The following VEGFC variants were observed in gnomAD, a reference collection of about 807,000 sequenced individuals.
The protein encoded by VEGFC is vascular endothelial growth factor C.
VEGFC carries 12 observed loss-of-function variants against 46.1 expected under a neutral mutation model. The observed-to-expected ratio is 0.26, with a 90% CI of 0.17 to 0.42. The LOEUF (loss-of-function observed/expected upper bound fraction) is 0.42. Among genes scored for constraint, VEGFC ranks in the 10% least tolerant of loss-of-function variants. The pLI is 1.00. For synonymous variants in VEGFC, 232 were observed against 195.5 expected (o/e 1.19, Z -1.56); for missense variants, 488 against 529.4 (o/e 0.92, Z 0.77).
chr4:176,710,605 T>G (rs1245451352), intron 4 of VEGFC, among the ~76,000 whole-genome samples: 1 of 152,202 alleles, frequency 6.6e-6, no homozygotes, highest in African/African-American at 2.4e-5. Context: ...TAAGGTTTTC[T>G]TTTTTGTAAT....
chr4:176,709,861 T>C (rs1734591638), intron 4 of VEGFC, among the ~76,000 whole-genome samples: 2 of 152,300 alleles, frequency 1.3e-5, no homozygotes, highest in South Asian at 4.1e-4. Context: ...CTAGTATTAA[T>C]ATCACTGCAT....
chr4:176,779,163 T>G (rs1421627509), intron 1 of VEGFC, among the ~76,000 whole-genome samples: 1 of 152,080 alleles, frequency 6.6e-6, no homozygotes, highest in African/African-American at 2.4e-5. Context: ...TAAATCAAAA[T>G]AGTGGGAAGA....
At chr4:176,708,986 A>G (rs1363852119) in intron 4 of VEGFC, among the ~76,000 whole-genome samples, 1 of 152,184 alleles carries the variant, frequency 6.6e-6, no homozygotes, top group East Asian at 1.9e-4. Context: ...CAGAGAATGA[A>G]TTAGTGGCAA....
intron 1 of VEGFC, among the ~76,000 whole-genome samples, chr4:176,751,589 T>A (rs896886367): frequency 2.0e-5 from 3 of 151,900 alleles, no homozygotes; most frequent in South Asian, 2.1e-4. Context: ...GATTTCTACA[T>A]ATATATTAAA....
chr4:176,786,545 A>G (rs932498789), intron 1 of VEGFC, among the ~76,000 whole-genome samples: 4 of 152,210 alleles, frequency 2.6e-5, no homozygotes, highest in African/African-American at 9.6e-5. Context: ...GGTAACTCAC[A>G]AGACTCTCTT....
intron 3 of VEGFC, among the ~76,000 whole-genome samples, chr4:176,719,526 C>A (rs1323536248): frequency 6.6e-6 from 1 of 152,146 alleles, no homozygotes; most frequent in African/African-American, 2.4e-5. Flanking sequence ...GCCTCGACCT[C>A]CCTTGGTTTA....
intron 1 of VEGFC, among the ~76,000 whole-genome samples, chr4:176,763,732 C>T: frequency 6.6e-6 from 1 of 152,122 alleles, no homozygotes; most frequent in East Asian, 1.9e-4. Flanking sequence ...CTTACAGGTT[C>T]CATAAGGTTT....
intron 1 of VEGFC, among the ~76,000 whole-genome samples, chr4:176,747,344 G>A (rs561421872): frequency 7.9e-5 from 12 of 152,008 alleles, no homozygotes; most frequent in African/African-American, 2.9e-4. Flanking sequence ...AATTAATAAT[G>A]AGTAAACATA....
At chr4:176,737,260 A>C (rs1735071448) in intron 1 of VEGFC, among the ~76,000 whole-genome samples, 1 of 126,968 alleles carries the variant, frequency 7.9e-6, no homozygotes, top group Admixed American at 9.3e-5. Flanking sequence ...GTTAAATGTT[A>C]ATAAATATAG....
intron 6 of VEGFC, among the ~76,000 whole-genome samples, 198 bp downstream of exon 6, chr4:176,686,989 G>C (rs916416192): frequency 2.6e-5 from 4 of 152,022 alleles, no homozygotes; most frequent in Admixed American, 1.3e-4. Context: ...GATCCTCAAG[G>C]CTCCTGTCTT....
rs537542382 is a variant in VEGFC at position 176,699,699 on chromosome 4, A to G, written c.705-11772T>C. 2.6e-5 allele frequency among the ~76,000 whole-genome samples: 4 copies of G among 152,322 alleles called. No individual in the cohort carries two copies. The South Asian group carries it at 8.3e-4, about 32-fold the overall frequency. On this transcript the variant is annotated intron_variant, in intron 4 of 6. Coordinates refer to ENST00000618562, the MANE Select transcript of VEGFC (RefSeq NM_005429.5). Reference sequence around the variant, plus strand: ...TGTACACAGAGACTGATTTGCTTACACTTTGGAAACAGCAGTTAATAGTGA... The same window carrying G: ...TGTACACAGAGACTGATTTGCTTACGCTTTGGAAACAGCAGTTAATAGTGA...
chr4:176,731,633 C>G (rs1043790160), intron 1 of VEGFC, among the ~76,000 whole-genome samples: 2 of 151,826 alleles, frequency 1.3e-5, no homozygotes, highest in Admixed American at 1.3e-4. Flanking sequence ...TCCTGGAACT[C>G]TCCACTACAA....
intron 6 of VEGFC, among the ~76,000 whole-genome samples, chr4:176,686,832 T>C (rs1734050487): frequency 6.6e-6 from 1 of 152,208 alleles, no homozygotes; most frequent in Non-Finnish European, 1.5e-5. Context: ...TGCATAAAAA[T>C]TGTCTGCATT....
chr4:176,755,867 G>A (rs4146612), intron 1 of VEGFC, among the ~76,000 whole-genome samples: 107,215 of 151,958 alleles, frequency 0.71, 43,713 homozygotes, highest in East Asian at 0.93. Context: ...ATCAGGTTAA[G>A]TAATGCATTA....
chr4:176,701,169 T>C (rs1008135653), intron 4 of VEGFC, among the ~76,000 whole-genome samples: 1 of 152,230 alleles, frequency 6.6e-6, no homozygotes, highest in East Asian at 1.9e-4. Context: ...TAATGCAAGA[T>C]GTTAAAACTA....
intron 6 of VEGFC, 89 bp downstream of exon 6, chr4:176,687,098 G>A: frequency 7.4e-7 from 1 of 1,351,612 alleles, no homozygotes; most frequent in South Asian, 1.4e-5. Context: ...ATTCTAACAA[G>A]CAATTGTTAC....
At chr4:176,684,068 C>G in intron 6 of VEGFC, 28 bp from the exon 7 acceptor site, 1 of 1,540,132 alleles carries the variant, frequency 6.5e-7, no homozygotes, top group African/African-American at 1.4e-5. Flanking sequence ...AACACACTTA[C>G]GTTAAAGATC....
chr4:176,721,180 C>G (rs939583016), intron 3 of VEGFC, among the ~76,000 whole-genome samples: 3 of 152,120 alleles, frequency 2.0e-5, no homozygotes, highest in Non-Finnish European at 4.4e-5. Context: ...AGGCTGGACA[C>G]TTAGGTAGCA....
intron 2 of VEGFC, among the ~76,000 whole-genome samples, chr4:176,728,684 T>C (rs766785605): frequency 1.3e-5 from 2 of 152,214 alleles, no homozygotes; most frequent in Non-Finnish European, 2.9e-5. Context: ...CTAAGTATAC[T>C]AGTTTACTTA....
Sources: gnomAD v4.1 joint callset for allele counts (sites outside exome capture counted in the v4.1 genomes callset) on GRCh38, gnomAD v4.1.1 for gene constraint, MANE v1.5 for transcripts, NCBI Gene and HGNC (gene_info 2026-07-23, HGNC 2026-07-21) for gene names.